AGBL3: variants seen among roughly 807,000 people sequenced by gnomAD.
AGBL3 encodes AGBL carboxypeptidase 3.
AGBL3 carries 68 observed loss-of-function variants against 94.5 expected under a neutral mutation model. That is an observed-to-expected ratio of 0.72 (90% CI 0.59 to 0.88). The LOEUF is 0.88. AGBL3 is among the 40% of genes least tolerant of loss of function. The pLI is 0.00. For missense variants in AGBL3, 934 were observed against 1,103.8 expected (o/e 0.85, Z 2.18); for synonymous variants, 354 against 370.7 (o/e 0.95, Z 0.52).
At chr7:135,037,651 C>T (rs372942564) in intron 8 of AGBL3, 71 bp downstream of exon 8, 17 of 1,287,684 alleles carry the variant, frequency 1.3e-5, no homozygotes, top group Middle Eastern at 1.9e-4. Flanking sequence ...GAATGGCCCA[C>T]GTGGATAATA....
chr7:135,037,540 G>T lies in AGBL3; in HGVS notation c.1460G>T (p.Arg487Leu), dbSNP rs746965087. 3 of 1,544,066 alleles carry T rather than the reference G, an allele frequency of 1.9e-6. No individual in the cohort carries two copies. The South Asian group carries it at 3.6e-5, about 19-fold the overall frequency. The change falls in exon 8 of 17, where the codon CGA (arginine) becomes CTA (leucine). Residue 487 changes from arginine to leucine, a missense_variant. Arg to Leu is a moderately radical substitution (Grantham distance 102, BLOSUM62 -2). Coordinates refer to ENST00000436302, the MANE Select transcript of AGBL3 (RefSeq NM_178563.4). ...TCTAAGACATTATACTTACAGCAACGAATCTTCCCACTTATGCTAAGCAAA... is the reference window on the plus strand; with the variant it reads ...TCTAAGACATTATACTTACAGCAACTAATCTTCCCACTTATGCTAAGCAAA... ...DRSKTLYLQQ[R>L]IFPLMLSKNC...
intron 12 of AGBL3, among the ~76,000 whole-genome samples, chr7:135,071,599 A>G (rs1819912948): frequency 6.6e-6 from 1 of 152,196 alleles, no homozygotes; most frequent in Non-Finnish European, 1.5e-5. Flanking sequence ...GCCCTCAGAA[A>G]TAGTGCAGCA....
chr7:135,110,540 C>T (rs186440947), intron 15 of AGBL3, among the ~76,000 whole-genome samples: 5 of 152,130 alleles, frequency 3.3e-5, no homozygotes, highest in East Asian at 1.9e-4. Flanking sequence ...GTGGGAGAAG[C>T]GTGGGTCCCC....
intron 16 of AGBL3, chr7:135,115,839 T>A: frequency 2.2e-6 from 1 of 449,500 alleles, no homozygotes; most frequent in Non-Finnish European, 4.0e-6. Flanking sequence ...AAACTACTCA[T>A]TAATTTAGAT....
intron 12 of AGBL3, among the ~76,000 whole-genome samples, chr7:135,071,051 A>C (rs1819859710): frequency 1.3e-5 from 2 of 152,178 alleles, no homozygotes. Flanking sequence ...AATCAATGTG[A>C]AAAATTCACA....
rs117157954 is a variant in AGBL3 at position 135,054,279 on chromosome 7, G to C, written c.1842-4890G>C. Among the ~76,000 whole-genome samples the C allele has an allele frequency of 1.1e-4, 17 of 152,338 alleles. No homozygotes were observed. In the East Asian group the frequency reaches 3.1e-3, roughly 28 times the overall value. On this transcript the variant is annotated intron_variant, in intron 11 of 16. Coordinates refer to ENST00000436302, the MANE Select transcript of AGBL3 (RefSeq NM_178563.4). ...GCCATTTTATAAGCACCTTGTAGCT[G>C]TATCTGAGAAGCAAAGTAAAATAAA...
At chr7:135,050,507 G>A (rs911604469) in intron 11 of AGBL3, among the ~76,000 whole-genome samples, 6 of 151,956 alleles carry the variant, frequency 3.9e-5, no homozygotes, top group East Asian at 1.9e-4. Context: ...TTGTATTGCC[G>A]TTTCTCTCTT....
At chr7:135,113,370 A>C (rs1437673864) in intron 15 of AGBL3, among the ~76,000 whole-genome samples, 1 of 152,190 alleles carries the variant, frequency 6.6e-6, no homozygotes, top group African/African-American at 2.4e-5. Context: ...CTCTTGTTTC[A>C]TCTGTTTTCC....
intron 16 of AGBL3, among the ~76,000 whole-genome samples, chr7:135,122,083 T>G (rs1164040478): frequency 6.6e-6 from 1 of 152,134 alleles, no homozygotes; most frequent in Non-Finnish European, 1.5e-5. Flanking sequence ...TTGAGTTCCT[T>G]GGGGGAGGGG....
At chr7:135,085,141 T>C (rs1821234631) in intron 15 of AGBL3, among the ~76,000 whole-genome samples, 1 of 152,184 alleles carries the variant, frequency 6.6e-6, no homozygotes, top group South Asian at 2.1e-4. Flanking sequence ...TTTGTATGTC[T>C]TCTTTTTCAG....
intron 4 of AGBL3, among the ~76,000 whole-genome samples, chr7:135,013,880 G>A (rs1261370305): frequency 2.0e-5 from 3 of 152,020 alleles, no homozygotes; most frequent in Non-Finnish European, 2.9e-5. Context: ...GGTTGAAAGC[G>A]AGAAAGCCTA....
intron 16 of AGBL3, among the ~76,000 whole-genome samples, chr7:135,126,369 A>C (rs1417035020): frequency 6.6e-6 from 1 of 152,026 alleles, no homozygotes; most frequent in African/African-American, 2.4e-5. Context: ...AGAACTACAG[A>C]CCACCAAGGA....
chr7:135,061,974 AT>A (rs1818874414), intron 12 of AGBL3, among the ~76,000 whole-genome samples: 1 of 152,088 alleles, frequency 6.6e-6, no homozygotes, highest in African/African-American at 2.4e-5. Context: ...TTTGGGTAGT[AT>A]GGACAATTTG....
intron 16 of AGBL3, among the ~76,000 whole-genome samples, chr7:135,133,474 T>C (rs1221327134): frequency 6.6e-6 from 1 of 152,144 alleles, no homozygotes; most frequent in Non-Finnish European, 1.5e-5. Flanking sequence ...AAAAACAATT[T>C]TGACAAACAA....
In AGBL3 at chr7:135,096,606, T is replaced by TAGATAGATAGAC. The variant is rs1822844834; in HGVS notation, c.2110+14827_2110+14828insCAGATAGATAGA. On this transcript the variant is annotated intron_variant, in intron 15 of 16. Transcript: ENST00000436302. ...ATACATAGATAGATAGATAGATAGA[T>TAGATAGATAGAC]AGATAGATAGATAGATAGGGCTATT... Among the ~76,000 whole-genome samples, 10 of 134,516 alleles carry TAGATAGATAGAC rather than the reference T, an allele frequency of 7.4e-5. No homozygotes were observed. The East Asian group carries it at 1.8e-3, about 25-fold the overall frequency. 88.2% of individuals were successfully genotyped at this position (134,516 alleles called of 152,430 possible).
At chr7:135,065,108 A>G (rs1443672659) in intron 12 of AGBL3, among the ~76,000 whole-genome samples, 1 of 152,226 alleles carries the variant, frequency 6.6e-6, no homozygotes, top group East Asian at 1.9e-4. Context: ...AGTTCTCTCA[A>G]AAATGCAGAT....
intron 5 of AGBL3, among the ~76,000 whole-genome samples, chr7:135,029,195 G>A (rs1024066081): frequency 1.3e-5 from 2 of 152,158 alleles, no homozygotes; most frequent in Non-Finnish European, 2.9e-5. Context: ...ACCCCTAAGA[G>A]GATAGTCAGT....
intron 2 of AGBL3, among the ~76,000 whole-genome samples, chr7:134,988,587 A>G (rs1809786632): frequency 6.6e-6 from 1 of 152,168 alleles, no homozygotes; most frequent in East Asian, 1.9e-4. Context: ...TACTTTAGCT[A>G]TTTAAAGGAT....
At chr7:135,126,156 G>A (rs1827838104) in intron 16 of AGBL3, among the ~76,000 whole-genome samples, 1 of 152,186 alleles carries the variant, frequency 6.6e-6, no homozygotes, top group Non-Finnish European at 1.5e-5. Context: ...CAACATCTCA[G>A]CCCCAAAACT....
Sources: gnomAD v4.1 joint callset for allele counts (sites outside exome capture counted in the v4.1 genomes callset) on GRCh38, gnomAD v4.1.1 for gene constraint, MANE v1.5 for transcripts, NCBI Gene and HGNC (gene_info 2026-07-23, HGNC 2026-07-21) for gene names.